The following NFKB1 variants were observed in gnomAD, a reference collection of about 807,000 sequenced individuals.
NFKB1 encodes nuclear factor kappa B subunit 1.
NFKB1 carries 9 observed loss-of-function variants against 105.1 expected under a neutral mutation model. That is an observed-to-expected ratio of 0.09 (90% CI 0.05 to 0.15). The LOEUF is 0.15. Ranked by LOEUF, NFKB1 falls within the 10% of genes least tolerant of loss-of-function variation. NFKB1 has a pLI of 1.00. For synonymous variants in NFKB1, 440 were observed against 442.2 expected (o/e 1.00, Z 0.06); for missense variants, 830 against 1,203.7 (o/e 0.69, Z 4.59).
intron 15 of NFKB1, among the ~76,000 whole-genome samples, chr4:102,599,541 A>G (rs1028322608): frequency 2.0e-5 from 3 of 152,278 alleles, no homozygotes; most frequent in African/African-American, 7.2e-5. Context: ...CAATCTGTCC[A>G]TGCTCTGGAG....
chr4:102,557,951 T>G (rs924306869), intron 5 of NFKB1, among the ~76,000 whole-genome samples: 1 of 151,934 alleles, frequency 6.6e-6, no homozygotes, highest in Non-Finnish European at 1.5e-5. Flanking sequence ...GCCTCCAATT[T>G]AGACCAGTGT....
chr4:102,542,627 G>A (rs1024043124), intron 5 of NFKB1, among the ~76,000 whole-genome samples: 2 of 151,986 alleles, frequency 1.3e-5, no homozygotes, highest in African/African-American at 4.8e-5. Flanking sequence ...CACTCCCCAA[G>A]ATGTTTTTAT....
intron 4 of NFKB1, among the ~76,000 whole-genome samples, chr4:102,535,897 G>GTT (rs112320048): frequency 2.7e-4 from 38 of 142,144 alleles, no homozygotes; most frequent in African/African-American, 4.8e-4. Context: ...GGTTTTTTTT[G>GTT]TTTTTTTTTT....
intron 1 of NFKB1, 40 bp from the exon 2 acceptor site, chr4:102,525,472 C>G (rs1469020381): frequency 2.5e-6 from 4 of 1,596,586 alleles, no homozygotes; most frequent in Non-Finnish European, 3.4e-6. Context: ...AAAGTTCATT[C>G]TAGTGTTACA....
chr4:102,590,057 C>G (rs1457639527), intron 11 of NFKB1, among the ~76,000 whole-genome samples: 1 of 152,064 alleles, frequency 6.6e-6, no homozygotes, highest in Non-Finnish European at 1.5e-5. Flanking sequence ...ACTTTTAGCC[C>G]CAGTATCTCA....
At chr4:102,525,365 A>G (rs1039817556) in intron 1 of NFKB1, 147 bp from the exon 2 acceptor site, 1 of 639,470 alleles carries the variant, frequency 1.6e-6, no homozygotes, top group Non-Finnish European at 2.7e-6. Flanking sequence ...GAACTACATC[A>G]TGTCCTCCTC....
At chr4:102,610,826 G>C (rs1354269056) in intron 20 of NFKB1, 127 bp downstream of exon 20, 48 of 1,190,004 alleles carry the variant, frequency 4.0e-5, no homozygotes, top group South Asian at 5.1e-5. Context: ...AAGAAAGTCT[G>C]TTTGTCAGAG....
rs966015688 is a variant in NFKB1, at chr4:102,529,843, A to T, written c.47A>T (p.His16Leu). Residue 16 changes from histidine (H) to leucine (L), a missense_variant, in exon 3 of 24, where the codon CAT (histidine) becomes CTT (leucine). This residue lies in a region of NFKB1 where 46 missense variants were observed against 48.3 expected (regional missense o/e 0.95). Transcript: ENST00000226574. The stretch of plus-strand genomic sequence containing the variant: ...AAATGTTCTTCTTTACAGATGTTTC[A>T]TTTGGATCCTTCTTTGACTCATACA... ...PYLGRPEQMF[H>L]LDPSLTHTIF... 4.4e-6 allele frequency: 7 copies of T among 1,599,502 alleles called. No homozygotes were observed. The Admixed American group carries it at 8.4e-5, about 19-fold the overall frequency.
chr4:102,561,279 T>TG (rs567727578), intron 5 of NFKB1, among the ~76,000 whole-genome samples: 48,198 of 128,648 alleles, frequency 0.37, 7,724 homozygotes, highest in South Asian at 0.55. Flanking sequence ...TTTTTTTTTT[T>TG]TTTGTGTGTG....
chr4:102,602,757 C>CA (rs1727299069), intron 16 of NFKB1, among the ~76,000 whole-genome samples: 2 of 152,284 alleles, frequency 1.3e-5, no homozygotes, highest in African/African-American at 2.4e-5. Flanking sequence ...AGTGACTCTT[C>CA]ACTGCCTGTT....
chr4:102,558,057 A>G (rs1179383427), intron 5 of NFKB1, among the ~76,000 whole-genome samples: 1 of 143,372 alleles, frequency 7.0e-6, no homozygotes, highest in Admixed American at 6.9e-5. Flanking sequence ...TTTACTTTTA[A>G]GTTTTATGTG....
intron 15 of NFKB1, among the ~76,000 whole-genome samples, chr4:102,598,552 C>T (rs190210615): frequency 5.9e-5 from 9 of 152,300 alleles, no homozygotes; most frequent in Admixed American, 3.9e-4. Context: ...TTCCTTGCAA[C>T]GTAACCAAGG....
rs1194803647 is a variant in NFKB1, at chr4:102,594,977, G to A, written c.1296G>A (p.Lys432=). 1.2e-6 allele frequency: 2 copies of A among 1,600,218 alleles called. No homozygotes were observed. Among genetic ancestry groups the A allele is most frequent in the Admixed American group, 1.7e-5 (1 of 59,710 alleles). ...CTACTAAATCTAATGCTGGGATGAA[G>A]CATGGTAAGTAATGCTTTGTTCTTA... ...PGTTKSNAGM[K]HGTMDTESKK... The change falls in exon 13 of 24, where the codon AAG becomes AAA. Residue 432 remains lysine (K), a synonymous_variant. Coordinates refer to ENST00000226574, the MANE Select transcript of NFKB1 (RefSeq NM_003998.4).
At chr4:102,523,233 T>C (rs1304922960) in intron 1 of NFKB1, among the ~76,000 whole-genome samples, 9 of 152,206 alleles carry the variant, frequency 5.9e-5, no homozygotes, top group Admixed American at 2.0e-4. Flanking sequence ...AAATTTCCCT[T>C]TTTTAACTGC....
intron 23 of NFKB1, among the ~76,000 whole-genome samples, chr4:102,615,494 C>T (rs1728866143): frequency 6.6e-6 from 1 of 152,188 alleles, no homozygotes; most frequent in Non-Finnish European, 1.5e-5. Context: ...ATTGTCCGCA[C>T]TTGAGAAAGG....
At chr4:102,514,073 G>C (rs985551677) in intron 1 of NFKB1, among the ~76,000 whole-genome samples, 4 of 152,046 alleles carry the variant, frequency 2.6e-5, no homozygotes, top group Middle Eastern at 3.4e-3. Context: ...TACTCAGGAG[G>C]CTGAGGCAGG....
chr4:102,521,832 A>G (rs1231272011), intron 1 of NFKB1, among the ~76,000 whole-genome samples: 1 of 152,208 alleles, frequency 6.6e-6, no homozygotes, highest in East Asian at 1.9e-4. Context: ...AACTCATCAC[A>G]TGTTCAGAAC....
chr4:102,576,988 C>G lies in NFKB1; in HGVS notation c.520C>G (p.Pro174Ala). 2 of 1,613,256 alleles carry G rather than the reference C, an allele frequency of 1.2e-6. No homozygotes were observed. The highest frequency in any genetic ancestry group is 1.7e-6 in the Non-Finnish European group (2 of 1,179,794). ...RGYNPGLLVH[P>A]DLAYLQAEGG... is the part of the protein sequence containing the mutation. ...CTATAATCCTGGACTCTTGGTGCAC[C>G]CTGACCTTGCCTATTTGCAAGCAGA... Residue 174 changes from proline (P) to alanine (A), a missense_variant, in exon 7 of 24, where the codon CCT becomes GCT. Pro to Ala is a conservative substitution (Grantham distance 27, BLOSUM62 -1). Around this residue, in one of 8 missense-constraint regions of NFKB1, gnomAD observed 80 missense variants for 122.6 expected, o/e 0.65. Coordinates refer to ENST00000226574, the MANE Select transcript of NFKB1 (RefSeq NM_003998.4).
chr4:102,564,950 C>T (rs1475002675), intron 5 of NFKB1, among the ~76,000 whole-genome samples: 1 of 152,172 alleles, frequency 6.6e-6, no homozygotes, highest in African/African-American at 2.4e-5. Flanking sequence ...ATCATCATAA[C>T]AAAGACTGAT....
Sources: allele counts gnomAD v4.1 joint callset (sites outside exome capture counted in the v4.1 genomes callset), GRCh38; gene constraint gnomAD v4.1.1; regional missense constraint gnomAD v4.1.1; transcripts MANE v1.5; gene names NCBI Gene and HGNC (gene_info 2026-07-23, HGNC 2026-07-21).